The following ADAMTS12 variants were observed in gnomAD, a reference collection of about 807,000 sequenced individuals.
ADAMTS12 encodes ADAM metallopeptidase with thrombospondin type 1 motif 12.
In ADAMTS12, 118 loss-of-function variants were observed where a neutral mutation model predicts 167.8. That is an observed-to-expected ratio of 0.70 (90% CI 0.61 to 0.82). The LOEUF is 0.82. Among genes scored for constraint, ADAMTS12 ranks in the 40% least tolerant of loss-of-function variants. The pLI, the probability that ADAMTS12 is intolerant of heterozygous loss-of-function variation, is 0.00. For synonymous variants in ADAMTS12, 704 were observed against 716.9 expected (o/e 0.98, Z 0.29); for missense variants, 1,916 against 1,998.8 (o/e 0.96, Z 0.79).
At chr5:33,693,502 T>C (rs1259714653) in intron 3 of ADAMTS12, among the ~76,000 whole-genome samples, 19 of 152,208 alleles carry the variant, frequency 1.2e-4, no homozygotes, top group Admixed American at 1.2e-3. Flanking sequence ...TGCCAACTTA[T>C]TATAAAAATA....
In ADAMTS12 at chr5:33,716,286, C is replaced by A. The variant is rs1435179123; in HGVS notation, c.635-32231G>T. Among the ~76,000 whole-genome samples the A allele has an allele frequency of 2.6e-5, 4 of 152,094 alleles. No individual in the cohort carries two copies. The East Asian group carries it at 7.7e-4, about 29-fold the overall frequency. ...CCTCACCAGACATTGAATCTACCTTCACCATTATCTTGGACTTCTTGGTTT... is the reference window on the plus strand; with the variant it reads ...CCTCACCAGACATTGAATCTACCTTAACCATTATCTTGGACTTCTTGGTTT... On this transcript the variant is annotated intron_variant, in intron 3 of 23. Transcript: ENST00000504830.
rs111823722 is a variant in ADAMTS12 at position 33,762,517 on chromosome 5, T to A, written c.490-10969A>T. 8.4e-3 allele frequency among the ~76,000 whole-genome samples: 1,254 copies of A among 149,274 alleles called. 19 individuals carry two copies. The highest frequency in any genetic ancestry group is 0.029 in the African/African-American group (1,170 of 40,508). On this transcript the variant is annotated intron_variant, in intron 2 of 23. Coordinates refer to ENST00000504830, the MANE Select transcript of ADAMTS12 (RefSeq NM_030955.4). Reference sequence around the variant, plus strand: ...AGTGAGACTCCACCTCAAAAAAAAATAAATAAATAAATAAAGGAAAGAAAG... The same window carrying A: ...AGTGAGACTCCACCTCAAAAAAAAAAAAATAAATAAATAAAGGAAAGAAAG...
At chr5:33,839,802 C>T (rs1425102540) in intron 2 of ADAMTS12, among the ~76,000 whole-genome samples, 4 of 152,170 alleles carry the variant, frequency 2.6e-5, no homozygotes, top group Admixed American at 6.5e-5. Flanking sequence ...CCTGCTTCTC[C>T]GCATTTGTCC....
intron 2 of ADAMTS12, among the ~76,000 whole-genome samples, chr5:33,855,673 T>TC (rs1056466210): frequency 1.3e-5 from 2 of 151,958 alleles, no homozygotes; most frequent in African/African-American, 4.8e-5. Context: ...GAGAAATGTT[T>TC]TTTTTCTCTG....
intron 7 of ADAMTS12, among the ~76,000 whole-genome samples, chr5:33,654,874 T>TTGTGTGTGTGTG (rs34219097): frequency 0.048 from 6,849 of 141,506 alleles, 192 homozygotes; most frequent in Middle Eastern, 0.083. Context: ...GTGGGTGATT[T>TTGTGTGTGTGTG]TGTGTGTGTG....
chr5:33,572,292 C>T (rs1432760240), intron 19 of ADAMTS12, among the ~76,000 whole-genome samples: 1 of 151,608 alleles, frequency 6.6e-6, no homozygotes, highest in Non-Finnish European at 1.5e-5. Flanking sequence ...AGAGACACAA[C>T]AAAAAAAGAG....
intron 3 of ADAMTS12, among the ~76,000 whole-genome samples, chr5:33,736,410 C>T (rs1744377118): frequency 6.6e-6 from 1 of 152,086 alleles, no homozygotes; most frequent in African/African-American, 2.4e-5. Context: ...TTTCCATAAC[C>T]CAAAAGTAGA....
intron 16 of ADAMTS12, among the ~76,000 whole-genome samples, chr5:33,604,243 A>T (rs1738320308): frequency 6.6e-6 from 1 of 152,160 alleles, no homozygotes; most frequent in Non-Finnish European, 1.5e-5. Flanking sequence ...TTTCCCTGAT[A>T]AAAATCATCT....
chr5:33,583,202 G>A (rs1254329642), intron 18 of ADAMTS12, among the ~76,000 whole-genome samples: 1 of 151,888 alleles, frequency 6.6e-6, no homozygotes, highest in Non-Finnish European at 1.5e-5. Context: ...AAGTTCAATT[G>A]TTTTGATTTT....
rs532277473 is a variant in ADAMTS12, at chr5:33,826,631, C to G, written c.489+54488G>C. On this transcript the variant is annotated intron_variant, in intron 2 of 23. Coordinates refer to ENST00000504830, the MANE Select transcript of ADAMTS12 (RefSeq NM_030955.4). ...AATTTTGAGTTTAATTCTTTGAAAA[C>G]ATAGAAATATTCTTGATGAAAATGT... Among the ~76,000 whole-genome samples the G allele has an allele frequency of 2.0e-5, 3 of 151,374 alleles. No homozygotes were observed. In the South Asian group the frequency reaches 6.3e-4, roughly 32 times the overall value.
chr5:33,567,688 A>G (rs1237191577), intron 19 of ADAMTS12, among the ~76,000 whole-genome samples: 1 of 152,226 alleles, frequency 6.6e-6, no homozygotes, highest in Non-Finnish European at 1.5e-5. Flanking sequence ...TAATAGAGGG[A>G]CAATTTGCCC....
At chr5:33,662,178 C>G in intron 5 of ADAMTS12, 138 bp from the exon 6 acceptor site, 1 of 1,071,700 alleles carries the variant, frequency 9.3e-7, no homozygotes. Context: ...AGTCATGTGG[C>G]AGAGGCCAAC....
chr5:33,851,495 T>G (rs1749219053), intron 2 of ADAMTS12, among the ~76,000 whole-genome samples: 1 of 152,178 alleles, frequency 6.6e-6, no homozygotes, highest in African/African-American at 2.4e-5. Context: ...ATTAACTAAT[T>G]GAATTAAAAG....
At chr5:33,738,333 C>G (rs540325397) in intron 3 of ADAMTS12, among the ~76,000 whole-genome samples, 1 of 151,794 alleles carries the variant, frequency 6.6e-6, no homozygotes, top group Non-Finnish European at 1.5e-5. Flanking sequence ...TTTGGTTACT[C>G]AGGCATAAAG....
At chr5:33,593,577 A>G (rs913598749) in intron 17 of ADAMTS12, among the ~76,000 whole-genome samples, 1 of 152,208 alleles carries the variant, frequency 6.6e-6, no homozygotes, top group Non-Finnish European at 1.5e-5. Flanking sequence ...TAACACAGGA[A>G]CAGAAAACCA....
At chr5:33,603,012 G>A (rs1382084235) in intron 16 of ADAMTS12, among the ~76,000 whole-genome samples, 1 of 152,208 alleles carries the variant, frequency 6.6e-6, no homozygotes, top group African/African-American at 2.4e-5. Flanking sequence ...TAAAGGAAAA[G>A]GAGAAGCCCA....
chr5:33,846,768 G>A (rs532423634), intron 2 of ADAMTS12, among the ~76,000 whole-genome samples: 1 of 152,318 alleles, frequency 6.6e-6, no homozygotes, highest in South Asian at 2.1e-4. Flanking sequence ...ACTTTGTTCT[G>A]ATTAAGGAAA....
chr5:33,652,838 C>A (rs1191435916), intron 7 of ADAMTS12, among the ~76,000 whole-genome samples: 3 of 152,094 alleles, frequency 2.0e-5, no homozygotes, highest in Admixed American at 2.0e-4. Flanking sequence ...GTGTGGCTAT[C>A]CAATTTTGCC....
intron 16 of ADAMTS12, among the ~76,000 whole-genome samples, chr5:33,597,811 T>G (rs1409371387): frequency 1.3e-5 from 2 of 152,128 alleles, no homozygotes; most frequent in East Asian, 3.9e-4. Context: ...CTGACATGCA[T>G]CTGCCATTGG....
Sources: gnomAD v4.1 joint callset for allele counts (sites outside exome capture counted in the v4.1 genomes callset) on GRCh38, gnomAD v4.1.1 for gene constraint, MANE v1.5 for transcripts, NCBI Gene and HGNC (gene_info 2026-07-23, HGNC 2026-07-21) for gene names.